Variants in CA8 observed in about 807,000 individuals in gnomAD.
CA8 encodes carbonic anhydrase 8 (inactive).
CA8 carries 22 observed loss-of-function variants against 41.4 expected under a neutral mutation model. The ratio of observed to expected loss-of-function variants is 0.53; its 90% confidence interval spans 0.38 to 0.76. The LOEUF (loss-of-function observed/expected upper bound fraction) is 0.76. Ranked by LOEUF, CA8 falls within the 30% of genes least tolerant of loss-of-function variation. The pLI is 0.00. For missense variants in CA8, 270 were observed against 352.8 expected (o/e 0.77, Z 1.88); for synonymous variants, 121 against 130.6 (o/e 0.93, Z 0.50).
At chr8:60,238,199 T>C (rs571883363) in intron 3 of CA8, among the ~76,000 whole-genome samples, 3 of 152,320 alleles carry the variant, frequency 2.0e-5, no homozygotes, top group African/African-American at 7.2e-5. Flanking sequence ...CATTTGTCAC[T>C]GAGAAAAATA....
intron 5 of CA8, among the ~76,000 whole-genome samples, chr8:60,226,512 T>C (rs1022706220): frequency 6.6e-6 from 1 of 152,162 alleles, no homozygotes; most frequent in African/African-American, 2.4e-5. Flanking sequence ...ATGCGTTTAG[T>C]GCTTGCATGA....
At chr8:60,221,810 C>A (rs957470420) in intron 7 of CA8, among the ~76,000 whole-genome samples, 2 of 151,492 alleles carry the variant, frequency 1.3e-5, no homozygotes, top group East Asian at 1.9e-4. Context: ...GATTTAAGGA[C>A]AAAATAAAGA....
At chr8:60,232,724 C>T (rs538247806) in intron 3 of CA8, 4 of 358,718 alleles carry the variant, frequency 1.1e-5, no homozygotes, top group African/African-American at 2.1e-5. Flanking sequence ...CAGGTCTGGG[C>T]ACAAACACTA....
intron 3 of CA8, among the ~76,000 whole-genome samples, chr8:60,236,482 A>G (rs1179647283): frequency 6.6e-6 from 1 of 152,164 alleles, no homozygotes; most frequent in African/African-American, 2.4e-5. Context: ...CAGATCATGC[A>G]AACAAACAAA....
At chr8:60,224,403 G>T in intron 6 of CA8, 134 bp downstream of exon 6, 1 of 632,188 alleles carries the variant, frequency 1.6e-6, no homozygotes. Flanking sequence ...TCTGGAAATG[G>T]TATCTGCTAA....
Position 60,186,412 on chromosome 8 carries a change from A to C in CA8, c.*3609T>G, listed in dbSNP as rs536559037. Among the ~76,000 whole-genome samples, 3 of 152,054 alleles carry C rather than the reference A, an allele frequency of 2.0e-5. No homozygotes were observed. The highest frequency in any genetic ancestry group is 7.2e-5 in the African/African-American group (3 of 41,556). The stretch of plus-strand genomic sequence containing the variant: ...TGAAAATATACTCAAAAAAATGAAA[A>C]AAATAATTAAAGCAATTGAAATATA... On this transcript the variant is annotated 3_prime_UTR_variant, in exon 9 of 9. Coordinates refer to ENST00000317995, the MANE Select transcript of CA8 (RefSeq NM_004056.6).
chr8:60,247,360 A>G (rs1808283588), intron 3 of CA8, among the ~76,000 whole-genome samples: 1 of 152,234 alleles, frequency 6.6e-6, no homozygotes, highest in South Asian at 2.1e-4. Context: ...TCTAGGTTTT[A>G]AGCCCCACAT....
At chr8:60,205,594 C>G (rs946109076) in intron 8 of CA8, among the ~76,000 whole-genome samples, 1 of 152,114 alleles carries the variant, frequency 6.6e-6, no homozygotes. Flanking sequence ...CACCGCTGAA[C>G]CAAAGAATTT....
chr8:60,217,767 G>C (rs1459910458), intron 7 of CA8, among the ~76,000 whole-genome samples: 1 of 152,156 alleles, frequency 6.6e-6, no homozygotes, highest in Non-Finnish European at 1.5e-5. Context: ...CCAGTGACAA[G>C]GTGGTCTTTC....
intron 8 of CA8, among the ~76,000 whole-genome samples, chr8:60,197,511 T>C (rs549459116): frequency 1.3e-5 from 2 of 152,292 alleles, no homozygotes; most frequent in South Asian, 2.1e-4. Flanking sequence ...AATACCACTA[T>C]AGCCTTCTTT....
At chr8:60,255,847 C>A (rs116416332) in intron 3 of CA8, among the ~76,000 whole-genome samples, 6 of 152,058 alleles carry the variant, frequency 3.9e-5, no homozygotes, top group African/African-American at 1.2e-4. Context: ...TTTTGTTTAA[C>A]AACATTTTCC....
rs768176485 is a variant in CA8, at chr8:60,281,121, A to G, written c.27T>C (p.Asp9=). 6 of 1,590,462 alleles carry G rather than the reference A, an allele frequency of 3.8e-6. No homozygotes were observed. In the Admixed American group the frequency reaches 1.0e-4, roughly 27 times the overall value. ...CTTCCTTCTCGGGGAAGGCGACGGT[A>G]TCTTCGATGAAGCTCAGGTCCGCCA... is the stretch of plus-strand genomic sequence containing the variant. The part of the protein sequence containing the change: MADLSFIE[D]TVAFPEKEED... Residue 9 remains aspartate, a synonymous_variant, in exon 1 of 9, where the codon GAT becomes GAC. Coordinates refer to ENST00000317995, the MANE Select transcript of CA8 (RefSeq NM_004056.6).
At chr8:60,268,543 T>C (rs1803970239) in intron 2 of CA8, among the ~76,000 whole-genome samples, 1 of 152,174 alleles carries the variant, frequency 6.6e-6, no homozygotes. Context: ...TCACTTAAAC[T>C]TGGAGACGGT....
intron 2 of CA8, among the ~76,000 whole-genome samples, chr8:60,270,504 C>T (rs925383414): frequency 1.3e-5 from 2 of 151,584 alleles, no homozygotes; most frequent in Admixed American, 6.6e-5. Context: ...CAACCTCCGC[C>T]TCCCAGGTTC....
At chr8:60,248,673 A>G (rs1808337246) in intron 3 of CA8, among the ~76,000 whole-genome samples, 5 of 152,172 alleles carry the variant, frequency 3.3e-5, no homozygotes, top group Non-Finnish European at 1.5e-5. Context: ...TATAGTTTGA[A>G]GTCAGGTAGC....
intron 3 of CA8, among the ~76,000 whole-genome samples, chr8:60,249,825 T>C (rs926128937): frequency 4.6e-5 from 7 of 152,216 alleles, no homozygotes; most frequent in Admixed American, 2.0e-4. Context: ...CACATCAATA[T>C]TTCCTAATAA....
chr8:60,273,412 G>A (rs943885602), intron 2 of CA8, among the ~76,000 whole-genome samples: 1 of 152,188 alleles, frequency 6.6e-6, no homozygotes, highest in Non-Finnish European at 1.5e-5. Context: ...ACCTGCCAGG[G>A]GTCTGAGATG....
chr8:60,273,127 A>T (rs549842751), intron 2 of CA8, among the ~76,000 whole-genome samples: 10 of 152,372 alleles, frequency 6.6e-5, no homozygotes, highest in African/African-American at 2.4e-4. Context: ...ATAGTAAATT[A>T]TCAATAAGTA....
chr8:60,256,081 G>A lies in CA8; in HGVS notation c.417+9844C>T, dbSNP rs7002080. ...TGCCTATATGCCCGGCTAATTTTTT[G>A]TATCTTTTAGTAGAGATGGTGTTTC... is the stretch of plus-strand genomic sequence containing the variant. On this transcript the variant is annotated intron_variant, in intron 3 of 8. Coordinates refer to ENST00000317995, the MANE Select transcript of CA8 (RefSeq NM_004056.6). Among the ~76,000 whole-genome samples the A allele has an allele frequency of 8.0e-3, 1,211 of 151,906 alleles. 12 individuals are homozygous for A. Among genetic ancestry groups the A allele is most frequent in the African/African-American group, 0.027 (1,119 of 41,420 alleles).
Sources: gnomAD v4.1 joint callset for allele counts (sites outside exome capture counted in the v4.1 genomes callset) on GRCh38, gnomAD v4.1.1 for gene constraint, MANE v1.5 for transcripts, NCBI Gene and HGNC (gene_info 2026-07-23, HGNC 2026-07-21) for gene names.